MIR2052HG: variants seen among roughly 807,000 people sequenced by gnomAD.
MIR2052HG encodes MIR2052 host gene.
intron 4 of MIR2052HG, among the ~76,000 whole-genome samples, chr8:74,707,885 T>C (rs1332467378): frequency 6.6e-6 from 1 of 152,132 alleles, no homozygotes; most frequent in Admixed American, 6.6e-5. Context: ...ACGTAGTCTT[T>C]ACAAAGGCAC....
At chr8:74,715,835 G>A (rs1336744873) in intron 4 of MIR2052HG, among the ~76,000 whole-genome samples, 1 of 152,172 alleles carries the variant, frequency 6.6e-6, no homozygotes, top group African/African-American at 2.4e-5. Context: ...AACAATTAAA[G>A]CCTCTGGGCC....
At chr8:74,615,555 T>G (rs1049406846) in intron 2 of MIR2052HG, among the ~76,000 whole-genome samples, 4 of 152,130 alleles carry the variant, frequency 2.6e-5, no homozygotes, top group Non-Finnish European at 4.4e-5. Context: ...GATAACTAGC[T>G]CTGCATTTCA....
rs563803357 is a variant in MIR2052HG at position 74,723,489 on chromosome 8, T to G, written n.371+19807T>G. Among the ~76,000 whole-genome samples the G allele has an allele frequency of 4.6e-5, 7 of 152,264 alleles. No individual in the cohort carries two copies. In the South Asian group the frequency reaches 1.4e-3, roughly 32 times the overall value. ...GCTGGTGTTTCACTATTTCTACTCC[T>G]TCCTAGCTCTGTGCCTTAGGGAATA... is the stretch of plus-strand genomic sequence containing the variant. On this transcript the variant is annotated intron_variant and non_coding_transcript_variant, in intron 4 of 6. Coordinates refer to ENST00000523442, the Ensembl canonical transcript of MIR2052HG.
chr8:74,757,953 A>G (rs185753927), intron 5 of MIR2052HG: 1 of 152,336 alleles, frequency 6.6e-6, no homozygotes, highest in East Asian at 1.9e-4. Flanking sequence ...TAGCATCTGC[A>G]TAATGACACC....
At chr8:74,606,154 A>G (rs1471611019) in intron 1 of MIR2052HG, among the ~76,000 whole-genome samples, 1 of 152,238 alleles carries the variant, frequency 6.6e-6, no homozygotes, top group Admixed American at 6.5e-5. Flanking sequence ...TTACAAGGTG[A>G]TAGACGCGGG....
At chr8:74,728,644 G>A (rs531971652) in intron 4 of MIR2052HG, among the ~76,000 whole-genome samples, 21 of 152,126 alleles carry the variant, frequency 1.4e-4, no homozygotes, top group South Asian at 1.2e-3. Flanking sequence ...GACCTATTTG[G>A]GTATATTGAG....
chr8:74,641,082 A>T (rs1586900842), intron 2 of MIR2052HG, among the ~76,000 whole-genome samples: 1 of 152,204 alleles, frequency 6.6e-6, no homozygotes, highest in Non-Finnish European at 1.5e-5. Flanking sequence ...GGTGAGTACG[A>T]TAATTACAAA....
intron 4 of MIR2052HG, among the ~76,000 whole-genome samples, chr8:74,732,446 A>G (rs1005613214): frequency 6.6e-6 from 1 of 152,188 alleles, no homozygotes. Context: ...AATGCCTTTT[A>G]TATCCATTCA....
intron 2 of MIR2052HG, among the ~76,000 whole-genome samples, chr8:74,661,265 C>T (rs148562337): frequency 0.01 from 1,542 of 147,532 alleles, 10 homozygotes; most frequent in Non-Finnish European, 0.014. Flanking sequence ...GCTTATGGTG[C>T]GGTCTTGACT....
chr8:74,673,339 C>G (rs1322834724), intron 2 of MIR2052HG, among the ~76,000 whole-genome samples: 1 of 151,988 alleles, frequency 6.6e-6, no homozygotes, highest in African/African-American at 2.4e-5. Context: ...CCTAGAGGGC[C>G]ACAATTGTCC....
intron 4 of MIR2052HG, among the ~76,000 whole-genome samples, chr8:74,728,794 TA>T (rs1191940187): frequency 2.0e-5 from 3 of 152,164 alleles, no homozygotes; most frequent in African/African-American, 7.2e-5. Flanking sequence ...AGTTAGTAGT[TA>T]AGATTCAAAG....
At chr8:74,632,057 G>A (rs1236446010) in intron 2 of MIR2052HG, among the ~76,000 whole-genome samples, 1 of 152,138 alleles carries the variant, frequency 6.6e-6, no homozygotes, top group Non-Finnish European at 1.5e-5. Context: ...TTACTTAGGA[G>A]TATATCAAGC....
intron 5 of MIR2052HG, chr8:74,758,052 A>C (rs1164559627): frequency 6.6e-6 from 1 of 152,116 alleles, no homozygotes; most frequent in Admixed American, 6.6e-5. Flanking sequence ...AAAACTTTTT[A>C]TTTAATTAAA....
At chr8:74,717,159 A>C (rs1809528274) in intron 4 of MIR2052HG, among the ~76,000 whole-genome samples, 1 of 149,230 alleles carries the variant, frequency 6.7e-6, no homozygotes, top group Non-Finnish European at 1.5e-5. Flanking sequence ...CCCTCCCCTC[A>C]CCCCCGACCC....
rs77294590 is a variant in MIR2052HG, at chr8:74,624,557, T to C, written n.216+11617T>C. On this transcript the variant is annotated intron_variant and non_coding_transcript_variant, in intron 2 of 6. Coordinates refer to ENST00000523442, the Ensembl canonical transcript of MIR2052HG. The stretch of plus-strand genomic sequence containing the variant: ...CAACTATCTCCTACCTGACATTCTG[T>C]GAGACAGTAATTTTCTGGAGTTTGC... Among the ~76,000 whole-genome samples, 1,167 of 152,352 alleles carry C rather than the reference T, an allele frequency of 7.7e-3. 11 individuals are homozygous for C. Among genetic ancestry groups the C allele is most frequent in the African/African-American group, 0.027 (1,113 of 41,584 alleles).
chr8:74,695,233 T>A (rs748900386), intron 2 of MIR2052HG, among the ~76,000 whole-genome samples: 6 of 152,126 alleles, frequency 3.9e-5, no homozygotes, highest in African/African-American at 7.2e-5. Context: ...GAAGGAAAGA[T>A]ACAATGTTTT....
At chr8:74,731,716 C>A (rs1224440643) in intron 4 of MIR2052HG, among the ~76,000 whole-genome samples, 1 of 152,118 alleles carries the variant, frequency 6.6e-6, no homozygotes, top group Non-Finnish European at 1.5e-5. Context: ...CTATATGATG[C>A]TGTACCCTCA....
At chr8:74,672,741 T>A (rs996512295) in intron 2 of MIR2052HG, among the ~76,000 whole-genome samples, 2 of 152,074 alleles carry the variant, frequency 1.3e-5, no homozygotes, top group Non-Finnish European at 2.9e-5. Context: ...ATCTGCTGAA[T>A]TCTGTTGATA....
chr8:74,737,450 CT>C (rs1809779296), intron 4 of MIR2052HG, among the ~76,000 whole-genome samples: 1 of 152,210 alleles, frequency 6.6e-6, no homozygotes, highest in South Asian at 2.1e-4. Flanking sequence ...TTGCTTCATT[CT>C]TTACTTGCTT....
Sources: gnomAD v4.1 joint callset for allele counts (sites outside exome capture counted in the v4.1 genomes callset) on GRCh38, gnomAD v4.1.1 for gene constraint, MANE v1.5 for transcripts, NCBI Gene and HGNC (gene_info 2026-07-23, HGNC 2026-07-21) for gene names.